The following AMZ1 variants were observed in gnomAD, a reference collection of about 807,000 sequenced individuals.
AMZ1 encodes the protein archaelysin family metallopeptidase 1, also known as archaemetzincin-1.
A neutral mutation model predicts 29.9 loss-of-function variants in AMZ1; 39 were observed. That is an observed-to-expected ratio of 1.30 (90% CI 1.01 to 1.70). AMZ1 has a LOEUF of 1.70. AMZ1 is among the 40% of genes most tolerant of loss of function. AMZ1 has a pLI of 0.00. For missense variants in AMZ1, 1,041 were observed against 680.6 expected (o/e 1.53, Z -5.89); for synonymous variants, 458 against 304.0 (o/e 1.51, Z -5.27).
In AMZ1 at chr7:2,719,168, G is replaced by A. The variant is rs945997789; in HGVS notation, c.*6290G>A. 1.3e-5 allele frequency among the ~76,000 whole-genome samples: 2 copies of A among 152,204 alleles called. No homozygotes were observed. Among genetic ancestry groups the A allele is most frequent in the Non-Finnish European group, 2.9e-5 (2 of 68,028 alleles). On this transcript the variant is annotated 3_prime_UTR_variant, in exon 7 of 7. Transcript: ENST00000683327. ...CAGGATGCGGGCAGCAGCTTTGTCG[G>A]CTGCCAACCCAACTCCTCCGACAGA...
chr7:2,727,049 A>C (rs1212029164), intron 4 of AMZ1, among the ~76,000 whole-genome samples: 1 of 152,154 alleles, frequency 6.6e-6, no homozygotes, highest in African/African-American at 2.4e-5. Context: ...AAAAATAAAA[A>C]GTGTTTTGAA....
At chr7:2,710,532 G>C (rs549226016) in intron 6 of AMZ1, among the ~76,000 whole-genome samples, 2 of 152,276 alleles carry the variant, frequency 1.3e-5, no homozygotes, top group East Asian at 1.9e-4. Context: ...TTCCCGGACC[G>C]AGCCTGTCAG....
At chr7:2,693,845 G>GCAGC (rs1166059759) in intron 1 of AMZ1, among the ~76,000 whole-genome samples, 1 of 152,240 alleles carries the variant, frequency 6.6e-6, no homozygotes, top group Non-Finnish European at 1.5e-5. Flanking sequence ...ATGGGCCACT[G>GCAGC]CAGCCAGCCA....
At chr7:2,742,294 G>T (rs1790546652) in intron 4 of AMZ1, among the ~76,000 whole-genome samples, 1 of 152,124 alleles carries the variant, frequency 6.6e-6, no homozygotes, top group Non-Finnish European at 1.5e-5. Flanking sequence ...GGGATTACAG[G>T]TGTGAGCCAC....
At chr7:2,705,271 G>A (rs559833882) in intron 3 of AMZ1, among the ~76,000 whole-genome samples, 2 of 152,140 alleles carry the variant, frequency 1.3e-5, no homozygotes, top group Non-Finnish European at 2.9e-5. Flanking sequence ...TCCCTCCCAG[G>A]GCAGGAAGCA....
chr7:2,698,987 A>T (rs1295089525), intron 1 of AMZ1, among the ~76,000 whole-genome samples: 1 of 152,126 alleles, frequency 6.6e-6, no homozygotes, highest in Admixed American at 6.5e-5. Context: ...AGCTTTCTAC[A>T]GGAAGCTTGT....
Position 2,700,521 on chromosome 7 carries a change from A to C in AMZ1, c.70A>C (p.Thr24Pro). 6.2e-7 allele frequency: 1 copy of C among 1,607,872 alleles called. No homozygotes were observed. The highest frequency in any genetic ancestry group is 8.5e-7 in the Non-Finnish European group (1 of 1,179,896). Residue 24 changes from threonine (T) to proline (P), a missense_variant, in exon 2 of 7, where the codon ACT becomes CCT. Physicochemically the swap from Thr to Pro is conservative, Grantham distance 38. Transcript: ENST00000683327. ...PRALKDALVSTDAALQQLYVS... is the reference protein window; with the variant it reads ...PRALKDALVSPDAALQQLYVS... ...GGCCTTGAAGGACGCTCTGGTCTCC[A>C]CTGACGCAGCCCTGCAGCAGCTGTA...
chr7:2,725,230 G>T (rs1285481483), intron 4 of AMZ1, among the ~76,000 whole-genome samples: 3 of 152,242 alleles, frequency 2.0e-5, no homozygotes, highest in Non-Finnish European at 1.5e-5. Flanking sequence ...GGGCCCTCAG[G>T]TCCTCCGGGT....
chr7:2,738,889 A>T (rs1790350483), intron 4 of AMZ1, among the ~76,000 whole-genome samples: 1 of 152,030 alleles, frequency 6.6e-6, no homozygotes, highest in Admixed American at 6.6e-5. Flanking sequence ...CTGGCCCCTG[A>T]CTCTGGCCAC....
At chr7:2,726,953 C>G (rs555573672) in intron 4 of AMZ1, among the ~76,000 whole-genome samples, 1 of 152,364 alleles carries the variant, frequency 6.6e-6, no homozygotes, top group Non-Finnish European at 1.5e-5. Flanking sequence ...CAAGGTCCTT[C>G]CCCTCCCAGC....
intron 5 of AMZ1, among the ~76,000 whole-genome samples, 194 bp from the exon 6 acceptor site, chr7:2,709,446 C>CCAGGGCCTCCG (rs1788605130): frequency 6.6e-6 from 1 of 152,180 alleles, no homozygotes; most frequent in Admixed American, 6.5e-5. Context: ...TGTGGCCTCC[C>CCAGGGCCTCCG]ACCCTGACTC....
upstream of AMZ1, among the ~76,000 whole-genome samples, chr7:2,761,716 A>C (rs1403364010): frequency 6.6e-6 from 1 of 152,242 alleles, no homozygotes; most frequent in Non-Finnish European, 1.5e-5. Context: ...GAATTTGCTT[A>C]AAAAACAATG....
chr7:2,690,443 A>G (rs1056050929), intron 1 of AMZ1, among the ~76,000 whole-genome samples: 7 of 151,834 alleles, frequency 4.6e-5, no homozygotes, highest in African/African-American at 1.7e-4. Context: ...CTGGTCTCAA[A>G]CTCCTGGACT....
At chr7:2,690,027 G>A (rs999353035) in intron 1 of AMZ1, among the ~76,000 whole-genome samples, 2 of 152,182 alleles carry the variant, frequency 1.3e-5, no homozygotes, top group Admixed American at 6.5e-5. Context: ...CCACGAAGAC[G>A]AATGTGGCCA....
intron 4 of AMZ1, among the ~76,000 whole-genome samples, chr7:2,754,791 A>T (rs545969199): frequency 6.6e-6 from 1 of 152,288 alleles, no homozygotes; most frequent in African/African-American, 2.4e-5. Flanking sequence ...AATTTTGATG[A>T]AACAAAAATG....
At chr7:2,705,237 T>C (rs938970972) in intron 3 of AMZ1, among the ~76,000 whole-genome samples, 1 of 152,198 alleles carries the variant, frequency 6.6e-6, no homozygotes, top group Admixed American at 6.5e-5. Flanking sequence ...TCTGGGTCAT[T>C]CTGATGGTCC....
intron 4 of AMZ1, chr7:2,733,391 T>TCAAAA: frequency 7.4e-7 from 1 of 1,349,344 alleles, no homozygotes; most frequent in African/African-American, 1.8e-5. Flanking sequence ...ACTGCTTTGG[T>TCAAAA]CTCTGGACAC....
chr7:2,742,492 C>G (rs758958544), intron 4 of AMZ1, among the ~76,000 whole-genome samples: 5 of 152,210 alleles, frequency 3.3e-5, no homozygotes, highest in Non-Finnish European at 7.3e-5. Context: ...TTTATCTCAT[C>G]GCTGTCCACA....
At chr7:2,750,523 A>G (rs1209943392) in intron 4 of AMZ1, among the ~76,000 whole-genome samples, 4 of 152,214 alleles carry the variant, frequency 2.6e-5, no homozygotes, top group African/African-American at 9.7e-5. Context: ...AGTTTAATTG[A>G]TAAGTTAGGC....
Sources: gnomAD v4.1 joint callset for allele counts (sites outside exome capture counted in the v4.1 genomes callset) on GRCh38, gnomAD v4.1.1 for gene constraint, MANE v1.5 for transcripts, NCBI Gene and HGNC (gene_info 2026-07-23, HGNC 2026-07-21) for gene names.